HSD17B4: variants seen among roughly 807,000 people sequenced by gnomAD.
HSD17B4 encodes the protein hydroxysteroid 17-beta dehydrogenase 4.
In HSD17B4, 70 loss-of-function variants were observed where a neutral mutation model predicts 101.0. The ratio of observed to expected loss-of-function variants is 0.69; its 90% CI spans 0.57 to 0.85. The LOEUF is 0.85. Among genes scored for constraint, HSD17B4 ranks in the 40% least tolerant of loss-of-function variants. The probability of loss-of-function intolerance (pLI) is 0.00; values close to 1 mark genes in which losing one functional copy is unlikely to be tolerated. For missense variants in HSD17B4, 984 were observed against 892.4 expected, an observed-to-expected ratio of 1.10 and a Z score of -1.31; for synonymous variants, 347 against 297.1, an observed-to-expected ratio of 1.17 and a Z score of -1.73.
chr5:119,471,464 C>G (rs1756357116), intron 2 of HSD17B4, among the ~76,000 whole-genome samples: 1 of 151,828 alleles, frequency 6.6e-6, no homozygotes, highest in South Asian at 2.1e-4. Flanking sequence ...CCATATTATC[C>G]CATTACTTAT....
rs34604765 is a variant in HSD17B4 at position 119,452,549 on chromosome 5, G to C, written c.-27G>C. On this transcript the variant is annotated 5_prime_UTR_variant, in exon 1 of 24. Coordinates refer to ENST00000510025, the MANE Select transcript of HSD17B4 (RefSeq NM_000414.4). ...CGGCGTCCAGCGGCTCTGCTTGTTC[G>C]TGTGTGTGTCGTTGCAGGCCTTATT... The C allele has an allele frequency of 6.0e-4, 969 of 1,613,730 alleles. 7 individuals carry two copies. In the African/African-American group the frequency reaches 0.011, roughly 19 times the overall value.
At chr5:119,528,214 A>T (rs914416380) in intron 20 of HSD17B4, among the ~76,000 whole-genome samples, 1 of 152,122 alleles carries the variant, frequency 6.6e-6, no homozygotes, top group Non-Finnish European at 1.5e-5. Context: ...TCACACAGCA[A>T]GTGGTTGAGC....
intron 2 of HSD17B4, among the ~76,000 whole-genome samples, chr5:119,461,289 A>C (rs1219294542): frequency 1.3e-5 from 2 of 152,180 alleles, no homozygotes; most frequent in African/African-American, 4.8e-5. Context: ...ATAAAATGTG[A>C]ACTAAATAGG....
At chr5:119,502,717 T>A (rs945853456) in intron 14 of HSD17B4, among the ~76,000 whole-genome samples, 6 of 152,220 alleles carry the variant, frequency 3.9e-5, no homozygotes, top group African/African-American at 1.4e-4. Flanking sequence ...TATTTGTCAT[T>A]TCATGTTATA....
chr5:119,475,185 T>A (rs1426595542), intron 4 of HSD17B4, among the ~76,000 whole-genome samples: 1 of 152,102 alleles, frequency 6.6e-6, no homozygotes. Flanking sequence ...TGTGAAATCA[T>A]AGGGTGAAAA....
chr5:119,518,098 C>G (rs1404574357), intron 17 of HSD17B4, among the ~76,000 whole-genome samples: 1 of 152,096 alleles, frequency 6.6e-6, no homozygotes, highest in Non-Finnish European at 1.5e-5. Flanking sequence ...AGTGGCAACC[C>G]GCTCCGGTCC....
At chr5:119,534,607 G>A (rs771053213) in intron 22 of HSD17B4, among the ~76,000 whole-genome samples, 6 of 152,058 alleles carry the variant, frequency 3.9e-5, no homozygotes, top group South Asian at 2.1e-4. Context: ...CCAGATTGCC[G>A]CTTAGGATTC....
intron 12 of HSD17B4, 132 bp downstream of exon 12, chr5:119,496,778 T>C: frequency 2.6e-6 from 2 of 760,288 alleles, no homozygotes; most frequent in South Asian, 1.4e-5. Context: ...CAGTCTCTAA[T>C]AATGGAGAGA....
intron 8 of HSD17B4, among the ~76,000 whole-genome samples, 155 bp from the exon 9 acceptor site, chr5:119,489,037 A>G (rs1271461960): frequency 6.6e-6 from 1 of 152,182 alleles, no homozygotes; most frequent in Non-Finnish European, 1.5e-5. Flanking sequence ...TGAGATTACA[A>G]AAAGTTCTTC....
chr5:119,455,542 TTCTCTCTCTC>T (rs200829499), intron 1 of HSD17B4, among the ~76,000 whole-genome samples: 24 of 139,360 alleles, frequency 1.7e-4, no homozygotes, highest in African/African-American at 6.1e-4. Context: ...AAGCAAAACT[TTCTCTCTCTC>T]TCTCTCTCTC....
intron 8 of HSD17B4, among the ~76,000 whole-genome samples, chr5:119,488,345 G>A (rs1251762975): frequency 6.6e-6 from 1 of 152,090 alleles, no homozygotes; most frequent in African/African-American, 2.4e-5. Flanking sequence ...CAGAAAAGGT[G>A]CAGTGGTAAA....
intron 13 of HSD17B4, among the ~76,000 whole-genome samples, 182 bp from the exon 14 acceptor site, chr5:119,501,859 G>C (rs1212698612): frequency 6.6e-6 from 1 of 152,142 alleles, no homozygotes; most frequent in Non-Finnish European, 1.5e-5. Context: ...TGACTGTCTT[G>C]AGATTGGGGG....
chr5:119,477,388 T>A (rs1254772643), intron 6 of HSD17B4, 29 bp from the exon 7 acceptor site: 2 of 1,473,280 alleles, frequency 1.4e-6, no homozygotes, highest in Admixed American at 1.7e-5. Context: ...TTTTACAAAA[T>A]ATTTAATAAA....
At chr5:119,463,798 A>G (rs1047454403) in intron 2 of HSD17B4, among the ~76,000 whole-genome samples, 1 of 150,324 alleles carries the variant, frequency 6.7e-6, no homozygotes, top group African/African-American at 2.4e-5. Flanking sequence ...CCTCCTTAGT[A>G]ACTGGGACTA....
chr5:119,499,885 G>A (rs1207687310), intron 13 of HSD17B4, among the ~76,000 whole-genome samples: 2 of 152,154 alleles, frequency 1.3e-5, no homozygotes, highest in African/African-American at 4.8e-5. Context: ...AAATGGATAT[G>A]ATAATCCTCA....
rs147530045 is a variant in HSD17B4 at position 119,481,910 on chromosome 5, A to AT, written c.622+2897dup. Among the ~76,000 whole-genome samples, 281 of 151,946 alleles carry AT rather than the reference A, an allele frequency of 1.8e-3. 8 individuals carry two copies. The East Asian group carries it at 0.052, about 28-fold the overall frequency. Reference sequence around the variant, plus strand: ...ATCCTTATTCCTCTATAGGTAAGGCATTTTTTTTCCCCCTCTGTCTTCTTC... The same window carrying AT: ...ATCCTTATTCCTCTATAGGTAAGGCATTTTTTTTTCCCCCTCTGTCTTCTTC... On this transcript the variant is annotated intron_variant, in intron 8 of 23. Transcript: ENST00000510025.
At chr5:119,495,713 C>G in intron 11 of HSD17B4, 1 of 188,136 alleles carries the variant, frequency 5.3e-6, no homozygotes, top group Non-Finnish European at 1.2e-5. Context: ...TTCTGTCTCC[C>G]AGGCTGGAGT....
At chr5:119,498,648 T>G (rs762290261) in intron 12 of HSD17B4, among the ~76,000 whole-genome samples, 33 of 151,996 alleles carry the variant, frequency 2.2e-4, no homozygotes, top group Non-Finnish European at 8.8e-5. Context: ...GAGGCCGAGG[T>G]GGGTGGATCA....
chr5:119,502,200 A>T (rs1422787458), intron 14 of HSD17B4, 108 bp downstream of exon 14: 1 of 772,458 alleles, frequency 1.3e-6, no homozygotes, highest in East Asian at 2.5e-5. Context: ...AATGAAACAT[A>T]TCACAAATTG....
Sources: allele counts gnomAD v4.1 joint callset (sites outside exome capture counted in the v4.1 genomes callset), GRCh38; gene constraint gnomAD v4.1.1; transcripts MANE v1.5; gene names NCBI Gene and HGNC (gene_info 2026-07-23, HGNC 2026-07-21).